VSTM2L: variants seen among roughly 807,000 people sequenced by gnomAD.
The protein encoded by VSTM2L is V-set and transmembrane domain-containing protein 2-like protein.
VSTM2L carries 9 observed loss-of-function variants against 19.9 expected under a neutral mutation model. The ratio of observed to expected loss-of-function variants is 0.45; its 90% CI spans 0.27 to 0.79. VSTM2L has a LOEUF of 0.79. Among genes scored for constraint, VSTM2L ranks in the 30% least tolerant of loss-of-function variants. The pLI is 0.15. For missense variants in VSTM2L, 286 were observed against 295.5 expected, an observed-to-expected ratio of 0.97 and a Z score of 0.24; for synonymous variants, 127 against 133.8, an observed-to-expected ratio of 0.95 and a Z score of 0.35.
chr20:37,919,478 G>C (rs2072838603), intron 1 of VSTM2L, among the ~76,000 whole-genome samples: 1 of 152,202 alleles, frequency 6.6e-6, no homozygotes, highest in Admixed American at 6.5e-5. Context: ...TGATTATCTG[G>C]GTTTTCTTCT....
Position 37,944,406 on chromosome 20 carries a change from T to G in VSTM2L, c.*153T>G. On this transcript the variant is annotated 3_prime_UTR_variant, in exon 4 of 4. Coordinates refer to ENST00000373461, the MANE Select transcript of VSTM2L (RefSeq NM_080607.3). Reference sequence around the variant, plus strand: ...TGTCGGCCCTCTTTCCACCACCCCTTGCTCAGCATGTAAGCCCCACCCACC... The same window carrying G: ...TGTCGGCCCTCTTTCCACCACCCCTGGCTCAGCATGTAAGCCCCACCCACC... The G allele has an allele frequency of 7.9e-7, 1 of 1,266,178 alleles. No homozygotes were observed. Among genetic ancestry groups the G allele is most frequent in the South Asian group, 2.1e-5 (1 of 46,932 alleles). 78.4% of individuals were successfully genotyped at this position (1,266,178 alleles called of 1,614,324 possible).
At chr20:37,924,179 A>G (rs1301352342) in intron 1 of VSTM2L, among the ~76,000 whole-genome samples, 2 of 152,246 alleles carry the variant, frequency 1.3e-5, no homozygotes, top group Non-Finnish European at 2.9e-5. Flanking sequence ...CATGGCTGCG[A>G]TGAGCTATGT....
rs2072730268 is a variant in VSTM2L, at chr20:37,903,147, G to A, written c.-204G>A. 3.4e-6 allele frequency: 2 copies of A among 584,366 alleles called. No individual in the cohort carries two copies. Among genetic ancestry groups the A allele is most frequent in the South Asian group, 1.7e-4 (2 of 11,670 alleles). The allele number at this position is 584,366 out of a possible 1,614,324, so 36.2% of individuals were successfully genotyped here. On this transcript the variant is annotated 5_prime_UTR_variant, in exon 1 of 4. Transcript: ENST00000373461. ...GTCCCGCAGTCGGAGGCGGCCGGCT[G>A]GGCGTGCGCTCGCTCCCCGAAGCCG...
intron 3 of VSTM2L, among the ~76,000 whole-genome samples, chr20:37,942,714 G>A (rs1049279340): frequency 4.6e-5 from 7 of 152,222 alleles, no homozygotes; most frequent in Non-Finnish European, 1.0e-4. Context: ...GCTCTGGATG[G>A]TGGTTACACA....
intron 1 of VSTM2L, among the ~76,000 whole-genome samples, chr20:37,915,522 C>T (rs1390456256): frequency 6.6e-6 from 1 of 151,988 alleles, no homozygotes; most frequent in Non-Finnish European, 1.5e-5. Flanking sequence ...TGATCCTGTC[C>T]GGGAGCCCAC....
chr20:37,917,293 C>G (rs6021851), intron 1 of VSTM2L, among the ~76,000 whole-genome samples: 1 of 151,184 alleles, frequency 6.6e-6, no homozygotes, highest in Non-Finnish European at 1.5e-5. Context: ...CCAACCTGGG[C>G]GACGGTGTGA....
intron 3 of VSTM2L, among the ~76,000 whole-genome samples, chr20:37,941,474 G>A (rs915946490): frequency 9.2e-5 from 14 of 152,160 alleles, no homozygotes; most frequent in Non-Finnish European, 1.9e-4. Context: ...TTGGTAAGAC[G>A]ATTAGAAGTC....
At chr20:37,922,971 A>G (rs2072860631) in intron 1 of VSTM2L, among the ~76,000 whole-genome samples, 1 of 152,214 alleles carries the variant, frequency 6.6e-6, no homozygotes, top group Non-Finnish European at 1.5e-5. Flanking sequence ...AACTTTAGCC[A>G]TCTTTCTGGA....
chr20:37,910,665 AT>A (rs1455379494), intron 1 of VSTM2L, among the ~76,000 whole-genome samples: 1 of 151,024 alleles, frequency 6.6e-6, no homozygotes, highest in African/African-American at 2.4e-5. Context: ...TGTAATCCCA[AT>A]GACTCAGGAG....
At chr20:37,932,394 C>T (rs1282067301) in intron 2 of VSTM2L, among the ~76,000 whole-genome samples, 4 of 152,086 alleles carry the variant, frequency 2.6e-5, no homozygotes, top group Admixed American at 2.0e-4. Context: ...CAACTGCCAG[C>T]TCCTCTGGCT....
At chr20:37,914,874 T>A (rs2072808154) in intron 1 of VSTM2L, among the ~76,000 whole-genome samples, 1 of 152,114 alleles carries the variant, frequency 6.6e-6, no homozygotes, top group Non-Finnish European at 1.5e-5. Context: ...GGGATGGGGG[T>A]GGGGTCTTGA....
chr20:37,918,282 G>A (rs778629785), intron 1 of VSTM2L, among the ~76,000 whole-genome samples: 4 of 152,182 alleles, frequency 2.6e-5, no homozygotes, highest in Non-Finnish European at 5.9e-5. Flanking sequence ...CATGGCCATC[G>A]GAAGCCAGGG....
intron 1 of VSTM2L, among the ~76,000 whole-genome samples, chr20:37,918,423 A>G (rs1360329195): frequency 6.6e-6 from 1 of 152,206 alleles, no homozygotes; most frequent in Non-Finnish European, 1.5e-5. Flanking sequence ...CTCCCTTGTT[A>G]ATGAGAAAAA....
chr20:37,939,284 T>C (rs961065530), intron 3 of VSTM2L, among the ~76,000 whole-genome samples: 4 of 151,598 alleles, frequency 2.6e-5, no homozygotes, highest in Admixed American at 6.6e-5. Flanking sequence ...TGCGCACCTG[T>C]GGCCACAGCT....
chr20:37,927,634 C>G (rs2072885914), intron 1 of VSTM2L, among the ~76,000 whole-genome samples: 1 of 152,218 alleles, frequency 6.6e-6, no homozygotes, highest in Admixed American at 6.5e-5. Flanking sequence ...CCTGCCCTCT[C>G]TGAGCCTTGC....
At chr20:37,908,319 G>A (rs1331496926) in intron 1 of VSTM2L, among the ~76,000 whole-genome samples, 1 of 152,212 alleles carries the variant, frequency 6.6e-6, no homozygotes, top group Non-Finnish European at 1.5e-5. Context: ...AGTCGGGTAA[G>A]TGACCCCTTC....
intron 3 of VSTM2L, among the ~76,000 whole-genome samples, chr20:37,938,094 A>G (rs2072950524): frequency 6.6e-6 from 1 of 151,646 alleles, no homozygotes; most frequent in South Asian, 2.1e-4. Context: ...GGTTGTGTAG[A>G]TCTGGGAGGA....
chr20:37,917,344 T>A (rs996492389), intron 1 of VSTM2L, among the ~76,000 whole-genome samples: 11 of 150,234 alleles, frequency 7.3e-5, no homozygotes, highest in Non-Finnish European at 1.2e-4. Flanking sequence ...AAAAAAAAAA[T>A]GTTAGCTATT....
intron 1 of VSTM2L, among the ~76,000 whole-genome samples, chr20:37,925,022 C>G (rs1306017680): frequency 6.6e-6 from 1 of 152,212 alleles, no homozygotes; most frequent in Non-Finnish European, 1.5e-5. Context: ...ACTTTCCGAG[C>G]CTCAATTTCC....
Sources: allele counts gnomAD v4.1 joint callset (sites outside exome capture counted in the v4.1 genomes callset), GRCh38; gene constraint gnomAD v4.1.1; transcripts MANE v1.5; gene names NCBI Gene and HGNC (gene_info 2026-07-23, HGNC 2026-07-21).